Variants in MGME1 observed in about 807,000 individuals in gnomAD.
MGME1 encodes the protein mitochondrial genome maintenance exonuclease 1, also known as chromosome 20 open reading frame 72.
Under a neutral mutation model 33.0 loss-of-function variants are expected in MGME1, and 22 were observed. The observed-to-expected ratio is 0.67, with a 90% CI of 0.48 to 0.95. MGME1 has a LOEUF of 0.95. MGME1 is among the 40% of genes least tolerant of loss of function. The pLI is 0.00. For synonymous variants in MGME1, 133 were observed against 144.0 expected (o/e 0.92, Z 0.55); for missense variants, 383 against 397.8 (o/e 0.96, Z 0.32).
intron 3 of MGME1, among the ~76,000 whole-genome samples, chr20:17,978,373 T>C (rs1187778044): frequency 6.6e-6 from 1 of 151,940 alleles, no homozygotes; most frequent in East Asian, 1.9e-4. Context: ...CCCGGCTAAT[T>C]TTTGTGTTAT....
chr20:17,969,708 C>T (rs2035661126), intron 1 of MGME1, 93 bp from the exon 2 acceptor site: 2 of 739,158 alleles, frequency 2.7e-6, no homozygotes, highest in Middle Eastern at 6.4e-4. Flanking sequence ...TAAGAAAGGG[C>T]TCTGTCCAAA....
Position 17,969,961 on chromosome 20 carries a change from A to C in MGME1, c.102A>C (p.Ser34=), listed in dbSNP as rs1351259516. The C allele has an allele frequency of 1.2e-6, 2 of 1,614,180 alleles. No homozygotes were observed. The highest frequency in any genetic ancestry group is 1.7e-6 in the Non-Finnish European group (2 of 1,180,034). ...ALVAFSTSSY[S]CGRKKKVNPY... ...TGGCTTTCTCTACTTCCTCTTACTC[A>C]TGTGGCCGGAAGAAAAAAGTGAACC... is the stretch of plus-strand genomic sequence containing the variant. The change falls in exon 2 of 5, where the codon TCA becomes TCC. Residue 34 remains serine (S), a synonymous_variant. Coordinates refer to ENST00000377710, the MANE Select transcript of MGME1 (RefSeq NM_052865.4).
intron 3 of MGME1, among the ~76,000 whole-genome samples, chr20:17,981,950 G>A (rs2036034073): frequency 6.6e-6 from 1 of 151,812 alleles, no homozygotes; most frequent in Non-Finnish European, 1.5e-5. Context: ...ACTGCACCTG[G>A]CCCTACTTCT....
rs2036280871 is a variant in MGME1, at chr20:17,990,745, G to GT, written c.*637dup. The GT allele has an allele frequency of 6.6e-6, 1 of 152,256 alleles. No homozygotes were observed. The highest frequency in any genetic ancestry group is 1.5e-5 in the Non-Finnish European group (1 of 68,108). 9.4% of individuals were successfully genotyped at this position (152,256 alleles called of 1,614,324 possible). A position where few individuals can be genotyped will look rare whatever the true frequency, so the allele number is the denominator to read the frequency against. On this transcript the variant is annotated 3_prime_UTR_variant, in exon 5 of 5. Transcript: ENST00000377710. ...CATGTCGCTGGCAATATGTCATTGC[G>GT]TAACACCAAATAACCCCCCAGAAGT...
intron 2 of MGME1, among the ~76,000 whole-genome samples, chr20:17,973,464 G>A (rs1005504300): frequency 2.0e-5 from 3 of 152,076 alleles, no homozygotes; most frequent in South Asian, 2.1e-4. Flanking sequence ...CCTAGGCAAC[G>A]TAGAGAGATT....
rs1193481394 is a variant in MGME1 at position 17,988,168 on chromosome 20, G to C, written c.734G>C (p.Gly245Ala). 2 of 1,611,770 alleles carry C rather than the reference G, an allele frequency of 1.2e-6. No individual in the cohort carries two copies. Among genetic ancestry groups the C allele is most frequent in the African/African-American group, 2.7e-5 (2 of 74,806 alleles). ...GLLDCVAEYQ[G>A]KLCVIDWKTS... ...GTCTTCCTGTGGTTTCTCTTTAGGG[G>C]CAAGCTCTGTGTGATTGATTGGAAG... is the stretch of plus-strand genomic sequence containing the variant. Residue 245 changes from glycine (G) to alanine (A), a missense_variant and splice_region_variant, in exon 4 of 5, where the codon GGC becomes GCC. Coordinates refer to ENST00000377710, the MANE Select transcript of MGME1 (RefSeq NM_052865.4).
At chr20:17,977,261 A>G (rs971661225) in intron 3 of MGME1, among the ~76,000 whole-genome samples, 2 of 151,982 alleles carry the variant, frequency 1.3e-5, no homozygotes, top group Non-Finnish European at 2.9e-5. Flanking sequence ...CTATAGTCCC[A>G]GCTACTCGGG....
Position 17,975,728 on chromosome 20 carries a change from A to G in MGME1, c.556A>G (p.Ile186Val). 6.2e-7 allele frequency: 1 copy of G among 1,614,170 alleles called. No individual in the cohort carries two copies. The highest frequency in any genetic ancestry group is 8.5e-7 in the Non-Finnish European group (1 of 1,180,040). ...ACGGTTCCACGAAGCCTTGGAAAGC[A>G]TACTTTCACCCCAGGAAACCTTAAA... Reference protein sequence around the residue: ...GKRFHEALESILSPQETLKER... With the variant: ...GKRFHEALESVLSPQETLKER... The change falls in exon 3 of 5, where the codon ATA becomes GTA. Residue 186 changes from isoleucine (I) to valine (V), a missense_variant. Transcript: ENST00000377710.
chr20:17,973,361 T>A, intron 2 of MGME1, among the ~76,000 whole-genome samples: 1 of 151,936 alleles, frequency 6.6e-6, no homozygotes, highest in East Asian at 1.9e-4. Flanking sequence ...TAAAAAATAG[T>A]TGAAGGCCGA....
At chr20:17,972,583 C>A in intron 2 of MGME1, 1 of 836,424 alleles carries the variant, frequency 1.2e-6, no homozygotes, top group Non-Finnish European at 1.4e-6. Flanking sequence ...ACTTTCATTA[C>A]TTTGAGTGAA....
intron 3 of MGME1, among the ~76,000 whole-genome samples, chr20:17,983,849 CT>C (rs2036092275): frequency 6.6e-6 from 1 of 152,130 alleles, no homozygotes; most frequent in Non-Finnish European, 1.5e-5. Flanking sequence ...ATATTATCCC[CT>C]TATCAGATAG....
intron 3 of MGME1, among the ~76,000 whole-genome samples, chr20:17,977,819 C>G (rs533100910): frequency 6.6e-6 from 1 of 152,264 alleles, no homozygotes; most frequent in African/African-American, 2.4e-5. Context: ...CCCAGCAAGG[C>G]CCAGCCTCAC....
At chr20:17,975,569 G>GA (rs963517043) in intron 2 of MGME1, 115 bp from the exon 3 acceptor site, 301 of 680,862 alleles carry the variant, frequency 4.4e-4, no homozygotes, top group East Asian at 6.0e-4. Context: ...AAAAAAAAAA[G>GA]AAAAAAAAAT....
intron 2 of MGME1, among the ~76,000 whole-genome samples, chr20:17,974,029 A>G (rs1471305690): frequency 1.5e-5 from 2 of 129,730 alleles, no homozygotes; most frequent in African/African-American, 2.8e-5. Context: ...ACAAGTGAAT[A>G]TATTTCTTGT....
In MGME1 at chr20:17,970,250, C is replaced by G; in HGVS notation, c.391C>G (p.Pro131Ala). The G allele has an allele frequency of 3.1e-6, 5 of 1,614,206 alleles. No individual in the cohort carries two copies. Among genetic ancestry groups the G allele is most frequent in the Non-Finnish European group, 3.4e-6 (4 of 1,180,036 alleles). ...LKIPLQRNVIPSVTRVLQQTM... is the reference protein window; with the variant it reads ...LKIPLQRNVIASVTRVLQQTM... The stretch of plus-strand genomic sequence containing the variant: ...AATCCCCTTGCAAAGGAATGTGATA[C>G]CAAGTGTGACCCGAGTCCTTCAGCA... The change falls in exon 2 of 5, where the codon CCA becomes GCA. Residue 131 changes from proline (P) to alanine (A), a missense_variant. Coordinates refer to ENST00000377710, the MANE Select transcript of MGME1 (RefSeq NM_052865.4).
rs773693714 is a variant in MGME1 at position 17,989,991 on chromosome 20, C to T, written c.917C>T (p.Pro306Leu). The change falls in exon 5 of 5, where the codon CCA becomes CTA. Residue 306 changes from proline to leucine, a missense_variant. Coordinates refer to ENST00000377710, the MANE Select transcript of MGME1 (RefSeq NM_052865.4). Reference protein sequence around the residue: ...VAYKDGSPAHPHFMDAELCSQ... With the variant: ...VAYKDGSPAHLHFMDAELCSQ... ...TACAAAGATGGATCACCTGCCCACC[C>T]ACATTTCATGGATGCAGAGCTCTGT... 1.4e-5 allele frequency: 22 copies of T among 1,614,060 alleles called. No individual in the cohort carries two copies. In the South Asian group the frequency reaches 2.4e-4, roughly 18 times the overall value.
intron 3 of MGME1, among the ~76,000 whole-genome samples, chr20:17,983,623 G>T (rs1040828459): frequency 6.6e-6 from 1 of 152,032 alleles, no homozygotes; most frequent in Admixed American, 6.6e-5. Context: ...TTGTCTTTTT[G>T]ATAATAGCCA....
chr20:17,988,109 G>A (rs2036198907), intron 3 of MGME1, 57 bp from the exon 4 acceptor site: 1 of 1,528,528 alleles, frequency 6.5e-7, no homozygotes, highest in African/African-American at 1.4e-5. Context: ...TGTTAACCTA[G>A]TAGAGATTTT....
At chr20:17,982,632 TAC>T (rs1458761113) in intron 3 of MGME1, among the ~76,000 whole-genome samples, 1 of 152,192 alleles carries the variant, frequency 6.6e-6, no homozygotes, top group Non-Finnish European at 1.5e-5. Context: ...CATTTAACAA[TAC>T]AGTGTTAGTA....
Sources: gnomAD v4.1 joint callset for allele counts (sites outside exome capture counted in the v4.1 genomes callset) on GRCh38, gnomAD v4.1.1 for gene constraint, MANE v1.5 for transcripts, NCBI Gene and HGNC (gene_info 2026-07-23, HGNC 2026-07-21) for gene names.